Variants in ASTN2 observed in about 807,000 individuals in gnomAD.
ASTN2 encodes the protein astrotactin-2.
A neutral mutation model predicts 139.8 loss-of-function variants in ASTN2; 54 were observed. That is an observed-to-expected ratio of 0.39 (90% CI 0.31 to 0.48). The LOEUF (loss-of-function observed/expected upper bound fraction) is 0.48, where lower values mean the gene tolerates loss of function less well. Among genes scored for constraint, ASTN2 ranks in the 20% least tolerant of loss-of-function variants. The probability of loss-of-function intolerance (pLI) is 0.95; values close to 1 mark genes in which losing one functional copy is unlikely to be tolerated. For missense variants in ASTN2, 1,565 were observed against 1,725.1 expected (o/e 0.91, Z 1.64); for synonymous variants, 756 against 719.5 (o/e 1.05, Z -0.81).
At chr9:117,030,372 C>T (rs754614972) in intron 6 of ASTN2, among the ~76,000 whole-genome samples, 1 of 152,336 alleles carries the variant, frequency 6.6e-6, no homozygotes, top group Non-Finnish European at 1.5e-5. Flanking sequence ...CTACTCCTTG[C>T]AACAACCCTC....
At chr9:117,336,983 T>A (rs1357419048) in intron 1 of ASTN2, among the ~76,000 whole-genome samples, 1 of 152,214 alleles carries the variant, frequency 6.6e-6, no homozygotes, top group Non-Finnish European at 1.5e-5. Context: ...CTGTTTGCTG[T>A]CAGTTTGCAT....
chr9:116,850,701 C>T (rs1362212165), intron 11 of ASTN2, among the ~76,000 whole-genome samples: 1 of 152,180 alleles, frequency 6.6e-6, no homozygotes, highest in Non-Finnish European at 1.5e-5. Context: ...AGGTTCTCCT[C>T]TTACCCAGGA....
chr9:116,968,676 A>T (rs1269019122), intron 10 of ASTN2, among the ~76,000 whole-genome samples: 1 of 152,072 alleles, frequency 6.6e-6, no homozygotes, highest in Non-Finnish European at 1.5e-5. Flanking sequence ...AGGTGGGCAG[A>T]TCACTTGAGG....
At chr9:117,221,117 A>G (rs1459583288) in intron 2 of ASTN2, among the ~76,000 whole-genome samples, 1 of 152,244 alleles carries the variant, frequency 6.6e-6, no homozygotes, top group African/African-American at 2.4e-5. Context: ...AAATGCAAGT[A>G]CTTGTTTTAG....
At chr9:116,621,768 T>C (rs1856169225) in intron 17 of ASTN2, among the ~76,000 whole-genome samples, 2 of 152,184 alleles carry the variant, frequency 1.3e-5, no homozygotes, top group Admixed American at 1.3e-4. Flanking sequence ...CATTGAAAAA[T>C]AGATCATTAA....
chr9:117,319,722 C>A (rs955887637), intron 1 of ASTN2, among the ~76,000 whole-genome samples: 2 of 152,084 alleles, frequency 1.3e-5, no homozygotes, highest in African/African-American at 4.8e-5. Flanking sequence ...AGGCATTAGC[C>A]ACCCTACCTG....
intron 13 of ASTN2, among the ~76,000 whole-genome samples, chr9:116,751,005 T>G (rs1486216299): frequency 6.6e-6 from 1 of 152,244 alleles, no homozygotes; most frequent in African/African-American, 2.4e-5. Context: ...ATACTGGTTA[T>G]GTTGCCATAT....
chr9:116,882,828 TA>T (rs201560268), intron 10 of ASTN2, among the ~76,000 whole-genome samples: 263 of 144,202 alleles, frequency 1.8e-3, no homozygotes, highest in Middle Eastern at 3.5e-3. Context: ...CCTTGACTCT[TA>T]AAAAAAAAAA....
chr9:116,638,454 A>C (rs1260605113), intron 17 of ASTN2, among the ~76,000 whole-genome samples: 1 of 152,178 alleles, frequency 6.6e-6, no homozygotes, highest in Non-Finnish European at 1.5e-5. Flanking sequence ...CAATCTTTCA[A>C]CTACTAGAGT....
chr9:116,703,399 G>C (rs1827901990), intron 16 of ASTN2, among the ~76,000 whole-genome samples: 1 of 151,746 alleles, frequency 6.6e-6, no homozygotes, highest in African/African-American at 2.4e-5. Flanking sequence ...AGATGAGTAG[G>C]TTGCGAAAAT....
intron 10 of ASTN2, among the ~76,000 whole-genome samples, chr9:116,878,807 G>A (rs1833371727): frequency 6.6e-6 from 1 of 151,616 alleles, no homozygotes; most frequent in African/African-American, 2.4e-5. Context: ...AGTTTCAGTG[G>A]CAAATGCTGA....
intron 5 of ASTN2, among the ~76,000 whole-genome samples, chr9:117,062,431 A>G (rs1839321146): frequency 6.6e-6 from 1 of 152,232 alleles, no homozygotes; most frequent in Admixed American, 6.5e-5. Flanking sequence ...CCTATGAGAC[A>G]TGTTAAAAAT....
intron 10 of ASTN2, among the ~76,000 whole-genome samples, chr9:116,883,182 C>T (rs915497638): frequency 3.9e-5 from 6 of 152,158 alleles, no homozygotes; most frequent in Non-Finnish European, 7.3e-5. Context: ...TTCATTCCCA[C>T]AGTAGGATGT....
intron 16 of ASTN2, among the ~76,000 whole-genome samples, chr9:116,661,680 G>A (rs1056917468): frequency 6.6e-6 from 1 of 152,138 alleles, no homozygotes; most frequent in Non-Finnish European, 1.5e-5. Context: ...AATGGATGCG[G>A]TCTGAACTTC....
At chr9:116,760,557 A>T (rs1177302091) in intron 13 of ASTN2, among the ~76,000 whole-genome samples, 1 of 152,208 alleles carries the variant, frequency 6.6e-6, no homozygotes, top group East Asian at 1.9e-4. Flanking sequence ...GAGGATTCCG[A>T]GCGAGGAACA....
chr9:116,948,250 C>T (rs1178473754), intron 10 of ASTN2, among the ~76,000 whole-genome samples: 2 of 152,096 alleles, frequency 1.3e-5, no homozygotes, highest in Non-Finnish European at 2.9e-5. Context: ...TGGGGAGGTA[C>T]TTTGAAATTA....
rs369557952 is a variant in ASTN2 at position 117,338,907 on chromosome 9, G to A, written c.443-47394C>T. Among the ~76,000 whole-genome samples the A allele has an allele frequency of 1.4e-4, 22 of 152,210 alleles. No homozygotes were observed. The South Asian group carries it at 2.5e-3, about 17-fold the overall frequency. ...CTCTCCAGACCTCACAGCTGTGTGC[G>A]TAATTTTAGTCCCCCAGCTTTGATT... On this transcript the variant is annotated intron_variant, in intron 1 of 22. Coordinates refer to ENST00000313400, the MANE Select transcript of ASTN2 (RefSeq NM_001365068.1).
chr9:116,426,999 A>T (rs1847329946), intron 22 of ASTN2, among the ~76,000 whole-genome samples: 1 of 152,190 alleles, frequency 6.6e-6, no homozygotes, highest in Non-Finnish European at 1.5e-5. Context: ...GGAGGACATC[A>T]TTAAGAACTT....
intron 17 of ASTN2, among the ~76,000 whole-genome samples, chr9:116,641,436 C>T (rs1216055943): frequency 1.3e-5 from 2 of 152,012 alleles, no homozygotes; most frequent in African/African-American, 2.4e-5. Context: ...CCTCAGTTTT[C>T]ATGTTGGGGA....
Sources: allele counts gnomAD v4.1 joint callset (sites outside exome capture counted in the v4.1 genomes callset), GRCh38; gene constraint gnomAD v4.1.1; transcripts MANE v1.5; gene names NCBI Gene and HGNC (gene_info 2026-07-23, HGNC 2026-07-21).